ITGA9: variants seen among roughly 807,000 people sequenced by gnomAD.
ITGA9 encodes the protein integrin alpha-9.
A neutral mutation model predicts 127.8 loss-of-function variants in ITGA9; 56 were observed. The observed-to-expected ratio is 0.44, with a 90% CI of 0.35 to 0.55. ITGA9 has a LOEUF of 0.55. ITGA9 is among the 20% of genes least tolerant of loss of function. The pLI is 0.00. For missense variants in ITGA9, 1,196 were observed against 1,347.1 expected (o/e 0.89, Z 1.76); for synonymous variants, 508 against 514.5 (o/e 0.99, Z 0.17).
intron 15 of ITGA9, among the ~76,000 whole-genome samples, chr3:37,626,547 G>A (rs1700177398): frequency 6.6e-6 from 1 of 152,206 alleles, no homozygotes; most frequent in South Asian, 2.1e-4. Context: ...AGCTAGGCAT[G>A]GTAGTATCCA....
At chr3:37,587,012 G>C (rs1417690761) in intron 15 of ITGA9, among the ~76,000 whole-genome samples, 2 of 152,158 alleles carry the variant, frequency 1.3e-5, no homozygotes, top group Non-Finnish European at 2.9e-5. Flanking sequence ...TTTTAGTGTT[G>C]GCATGTTTCC....
At chr3:37,625,636 G>A (rs564936257) in intron 15 of ITGA9, among the ~76,000 whole-genome samples, 4 of 152,262 alleles carry the variant, frequency 2.6e-5, no homozygotes, top group African/African-American at 7.2e-5. Context: ...AAATTTCAGC[G>A]ACTATGGTCT....
At chr3:37,748,630 C>T in intron 22 of ITGA9, 4 of 502,438 alleles carry the variant, frequency 8.0e-6, no homozygotes, top group Non-Finnish European at 1.4e-5. Flanking sequence ...ACCTGTAATC[C>T]CAGCTACTCA....
intron 15 of ITGA9, among the ~76,000 whole-genome samples, chr3:37,568,713 C>T (rs892188943): frequency 1.3e-5 from 2 of 152,172 alleles, no homozygotes; most frequent in African/African-American, 4.8e-5. Flanking sequence ...TTTGCTAAAA[C>T]AGCAAGAATC....
At chr3:37,623,667 GTGTGTATGTGTGTGTGTGTGTGTC>G (rs1473555147) in intron 15 of ITGA9, among the ~76,000 whole-genome samples, 1 of 121,696 alleles carries the variant, frequency 8.2e-6, no homozygotes, top group African/African-American at 3.1e-5. Flanking sequence ...AGGGGTGTGT[GTGTGTATGTGTGTGTGTGTGTGTC>G]TGTGTGTGTG....
rs564119062 is a variant in ITGA9 at position 37,656,301 on chromosome 3, G to A, written c.1916+2511G>A. 2.2e-3 allele frequency among the ~76,000 whole-genome samples: 339 copies of A among 152,246 alleles called. 7 individuals carry two copies. In the South Asian group the frequency reaches 0.038, roughly 17 times the overall value. The stretch of plus-strand genomic sequence containing the variant: ...CTTTGAGCAGTATGGCCATTTTCAC[G>A]ATATTGATTCTTTGTTTCCATGAGC... On this transcript the variant is annotated intron_variant, in intron 17 of 27. Transcript: ENST00000264741.
rs1245454944 is a variant in ITGA9 at position 37,512,023 on chromosome 3, CTTTTCTTTCTTT to C, written c.898-1739_898-1728del. 3.9e-3 allele frequency among the ~76,000 whole-genome samples: 106 copies of C among 27,394 alleles called. 4 individuals carry two copies. The highest frequency in any genetic ancestry group is 7.3e-3 in the African/African-American group (55 of 7,522). 18.0% of individuals were successfully genotyped at this position (27,394 alleles called of 152,430 possible). A position where few individuals can be genotyped will look rare whatever the true frequency, so the allele number is the denominator to read the frequency against. On this transcript the variant is annotated intron_variant, in intron 8 of 27. Coordinates refer to ENST00000264741, the MANE Select transcript of ITGA9 (RefSeq NM_002207.3). ...CTTTTCTTTTCTTTTCTTTTCTTTT[CTTTTCTTTCTTT>C]CTTTCTTTCTTTCTTTCTTTCTTTC...
intron 15 of ITGA9, among the ~76,000 whole-genome samples, chr3:37,563,747 C>T (rs576198284): frequency 4.6e-5 from 7 of 152,288 alleles, no homozygotes; most frequent in African/African-American, 1.4e-4. Flanking sequence ...CTCCATCACA[C>T]CCATCTGAAG....
chr3:37,767,400 A>G (rs1051402129), intron 23 of ITGA9, among the ~76,000 whole-genome samples: 5 of 152,194 alleles, frequency 3.3e-5, no homozygotes, highest in African/African-American at 1.2e-4. Context: ...GAAAGCAAGT[A>G]TTTTATTTAG....
chr3:37,457,234 G>A (rs1200930597), intron 1 of ITGA9, among the ~76,000 whole-genome samples: 1 of 152,168 alleles, frequency 6.6e-6, no homozygotes, highest in East Asian at 1.9e-4. Context: ...TAGGGCTGGG[G>A]GTTCAACAAT....
chr3:37,468,833 CCT>C (rs1281594445), intron 1 of ITGA9, among the ~76,000 whole-genome samples: 8 of 152,208 alleles, frequency 5.3e-5, no homozygotes, highest in Middle Eastern at 3.4e-3. Context: ...AGGTGAATTC[CCT>C]CTCTTTTCTA....
At chr3:37,740,345 T>C (rs1218348624) in intron 20 of ITGA9, among the ~76,000 whole-genome samples, 1 of 152,162 alleles carries the variant, frequency 6.6e-6, no homozygotes, top group African/African-American at 2.4e-5. Flanking sequence ...CAACTGTGAA[T>C]GTAGGTTCAA....
chr3:37,729,951 C>T (rs147350196), intron 18 of ITGA9, among the ~76,000 whole-genome samples: 4,777 of 152,240 alleles, frequency 0.031, 96 homozygotes, highest in Non-Finnish European at 0.048. Flanking sequence ...AACCGCCTGC[C>T]TCGGCCTCCC....
intron 18 of ITGA9, among the ~76,000 whole-genome samples, chr3:37,707,531 T>A (rs897445549): frequency 6.6e-6 from 1 of 152,192 alleles, no homozygotes; most frequent in African/African-American, 2.4e-5. Context: ...TGAATTGGTA[T>A]GTTTTTCTGT....
chr3:37,771,623 C>T (rs1166401720), intron 23 of ITGA9, among the ~76,000 whole-genome samples: 1 of 152,178 alleles, frequency 6.6e-6, no homozygotes, highest in Non-Finnish European at 1.5e-5. Context: ...AGTCGCTGAA[C>T]TCGGGGACCT....
At chr3:37,479,826 G>A (rs1698533644) in intron 3 of ITGA9, among the ~76,000 whole-genome samples, 1 of 152,152 alleles carries the variant, frequency 6.6e-6, no homozygotes, top group South Asian at 2.1e-4. Flanking sequence ...CTTAGGCAAA[G>A]CACTCTTTGA....
At chr3:37,694,506 G>C (rs1010544247) in intron 18 of ITGA9, among the ~76,000 whole-genome samples, 3 of 152,230 alleles carry the variant, frequency 2.0e-5, no homozygotes, top group Non-Finnish European at 2.9e-5. Context: ...ATTCCGCCGC[G>C]GGGCTCAGCT....
intron 3 of ITGA9, among the ~76,000 whole-genome samples, chr3:37,480,112 G>C (rs1025111390): frequency 2.0e-5 from 3 of 152,128 alleles, no homozygotes; most frequent in Non-Finnish European, 2.9e-5. Context: ...GCAGGGTAGA[G>C]TGTGTGCCTC....
chr3:37,678,134 G>T (rs1700700325), intron 17 of ITGA9, among the ~76,000 whole-genome samples: 1 of 152,188 alleles, frequency 6.6e-6, no homozygotes, highest in Non-Finnish European at 1.5e-5. Flanking sequence ...CTATGAACAT[G>T]GGGGAACAAA....
Sources: allele counts gnomAD v4.1 joint callset (sites outside exome capture counted in the v4.1 genomes callset), GRCh38; gene constraint gnomAD v4.1.1; transcripts MANE v1.5; gene names NCBI Gene and HGNC (gene_info 2026-07-23, HGNC 2026-07-21).